Variants in LSAMP observed in about 807,000 individuals in gnomAD.
The protein encoded by LSAMP is limbic system-associated membrane protein.
LSAMP carries 7 observed loss-of-function variants against 38.6 expected under a neutral mutation model. The ratio of observed to expected loss-of-function variants is 0.18; its 90% CI spans 0.10 to 0.34. LSAMP has a LOEUF of 0.34. Among genes scored for constraint, LSAMP ranks in the 10% least tolerant of loss-of-function variants. LSAMP has a pLI of 1.00. For missense variants in LSAMP, 313 were observed against 420.0 expected, an observed-to-expected ratio of 0.75 and a Z score of 2.23; for synonymous variants, 154 against 166.8, an observed-to-expected ratio of 0.92 and a Z score of 0.59.
chr3:116,271,456 T>A (rs1243626706), intron 1 of LSAMP, among the ~76,000 whole-genome samples: 1 of 152,224 alleles, frequency 6.6e-6, no homozygotes, highest in South Asian at 2.1e-4. Context: ...GAGTTAAATA[T>A]CTTCCTTAAG....
intron 1 of LSAMP, among the ~76,000 whole-genome samples, chr3:116,238,009 A>G (rs531861137): frequency 2.0e-5 from 3 of 152,284 alleles, no homozygotes; most frequent in South Asian, 2.1e-4. Flanking sequence ...ACTTCTACTC[A>G]CTAGATAAAT....
At chr3:116,202,727 C>CT (rs35637994) in intron 1 of LSAMP, among the ~76,000 whole-genome samples, 7 of 152,028 alleles carry the variant, frequency 4.6e-5, no homozygotes, top group South Asian at 4.1e-4. Context: ...CCCAAGCACC[C>CT]TTTTTTTGGC....
intron 1 of LSAMP, among the ~76,000 whole-genome samples, chr3:116,105,576 G>A (rs1215937263): frequency 6.6e-6 from 1 of 152,126 alleles, no homozygotes; most frequent in Non-Finnish European, 1.5e-5. Flanking sequence ...GGTGCTCAGT[G>A]GGGGAGCTTC....
At chr3:116,166,918 G>A (rs535869369) in intron 1 of LSAMP, among the ~76,000 whole-genome samples, 13 of 150,206 alleles carry the variant, frequency 8.7e-5, no homozygotes, top group Non-Finnish European at 1.8e-4. Context: ...AGCCTCCCAA[G>A]TAGCTAGGAC....
intron 1 of LSAMP, among the ~76,000 whole-genome samples, chr3:116,396,987 C>A (rs979025121): frequency 4.6e-5 from 7 of 152,144 alleles, no homozygotes; most frequent in African/African-American, 1.7e-4. Context: ...AGCTTTTGTC[C>A]ATGCTATCAT....
At chr3:116,115,923 A>G (rs6782711) in intron 1 of LSAMP, among the ~76,000 whole-genome samples, 13,385 of 151,890 alleles carry the variant, frequency 0.088, 1,881 homozygotes, top group African/African-American at 0.3. Flanking sequence ...AAATGTCCGT[A>G]GGGCGGCTTC....
intron 1 of LSAMP, among the ~76,000 whole-genome samples, chr3:116,099,711 C>G (rs1695632030): frequency 6.6e-6 from 1 of 152,134 alleles, no homozygotes; most frequent in African/African-American, 2.4e-5. Flanking sequence ...GCGCCAGTCA[C>G]CACCCAGTTT....
intron 1 of LSAMP, among the ~76,000 whole-genome samples, chr3:116,116,197 C>T (rs1036666896): frequency 2.1e-4 from 31 of 150,850 alleles, no homozygotes; most frequent in African/African-American, 6.8e-4. Flanking sequence ...TTATTACTAC[C>T]GTCATGTTTG....
chr3:115,939,063 C>G (rs1222689436), intron 3 of LSAMP, among the ~76,000 whole-genome samples: 1 of 152,092 alleles, frequency 6.6e-6, no homozygotes, highest in Admixed American at 6.6e-5. Context: ...AGGGAATACA[C>G]TTTGACCTTA....
chr3:115,881,045 T>TAAATAAATAAATAA (rs1936308938), intron 3 of LSAMP, among the ~76,000 whole-genome samples: 1 of 150,806 alleles, frequency 6.6e-6, no homozygotes, highest in Non-Finnish European at 1.5e-5. Flanking sequence ...CAAAAATAAA[T>TAAATAAATAAATAA]AAATAAATAA....
intron 1 of LSAMP, among the ~76,000 whole-genome samples, chr3:116,266,917 C>G (rs2046899826): frequency 6.6e-6 from 1 of 152,128 alleles, no homozygotes; most frequent in Non-Finnish European, 1.5e-5. Flanking sequence ...TAATAACCAA[C>G]ACTTACTGGA....
chr3:115,861,227 C>G (rs1268432416), intron 3 of LSAMP, among the ~76,000 whole-genome samples: 1 of 143,514 alleles, frequency 7.0e-6, no homozygotes, highest in Non-Finnish European at 1.5e-5. Flanking sequence ...CCCTACACAC[C>G]ATATAGGAAA....
intron 3 of LSAMP, among the ~76,000 whole-genome samples, chr3:115,995,803 T>A (rs1393677577): frequency 1.3e-5 from 2 of 152,088 alleles, no homozygotes; most frequent in African/African-American, 2.4e-5. Context: ...CAAATTTTCT[T>A]GGAAAATTAA....
intron 1 of LSAMP, among the ~76,000 whole-genome samples, chr3:116,274,359 T>C (rs1375356135): frequency 6.6e-6 from 1 of 152,208 alleles, no homozygotes; most frequent in Admixed American, 6.5e-5. Flanking sequence ...GAGTTGGGAA[T>C]ACAAAAGAAA....
chr3:115,918,291 T>C (rs1275013895), intron 3 of LSAMP, among the ~76,000 whole-genome samples: 2 of 152,174 alleles, frequency 1.3e-5, no homozygotes, highest in African/African-American at 4.8e-5. Context: ...TTGGCCTGGA[T>C]AAAAAATAGC....
At chr3:115,873,940 T>C (rs1936114720) in intron 3 of LSAMP, among the ~76,000 whole-genome samples, 1 of 152,132 alleles carries the variant, frequency 6.6e-6, no homozygotes, top group African/African-American at 2.4e-5. Flanking sequence ...TCTATGATGG[T>C]GCATTTCTGA....
chr3:116,232,999 G>C (rs979846494), intron 1 of LSAMP, among the ~76,000 whole-genome samples: 25 of 151,994 alleles, frequency 1.6e-4, no homozygotes, highest in African/African-American at 6.0e-4. Flanking sequence ...TCAATTTTCT[G>C]TCAAGTTTTG....
chr3:116,028,220 A>G (rs995707518), intron 2 of LSAMP, among the ~76,000 whole-genome samples: 1 of 152,212 alleles, frequency 6.6e-6, no homozygotes, highest in Non-Finnish European at 1.5e-5. Flanking sequence ...TGCAACACAT[A>G]AATGCCATCT....
intron 1 of LSAMP, among the ~76,000 whole-genome samples, chr3:116,104,335 T>C (rs1306681088): frequency 6.6e-6 from 1 of 151,936 alleles, no homozygotes; most frequent in Non-Finnish European, 1.5e-5. Context: ...ACACTCTCCA[T>C]TGTGTAGTAA....
Sources: gnomAD v4.1 joint callset for allele counts (sites outside exome capture counted in the v4.1 genomes callset) on GRCh38, gnomAD v4.1.1 for gene constraint, MANE v1.5 for transcripts, NCBI Gene and HGNC (gene_info 2026-07-23, HGNC 2026-07-21) for gene names.